SCMH1: variants seen among roughly 807,000 people sequenced by gnomAD.
SCMH1 encodes Scm polycomb group protein homolog 1.
SCMH1 carries 37 observed loss-of-function variants against 70.8 expected under a neutral mutation model. The observed-to-expected ratio is 0.52, with a 90% CI of 0.40 to 0.69. SCMH1 has a LOEUF of 0.69. SCMH1 is among the 30% of genes least tolerant of loss of function. SCMH1 has a pLI of 0.00. For synonymous variants in SCMH1, 292 were observed against 307.4 expected, an observed-to-expected ratio of 0.95 and a Z score of 0.52; for missense variants, 607 against 827.3, an observed-to-expected ratio of 0.73 and a Z score of 3.27.
intron 10 of SCMH1, among the ~76,000 whole-genome samples, chr1:41,065,160 A>G (rs544380549): frequency 6.6e-6 from 1 of 152,316 alleles, no homozygotes; most frequent in South Asian, 2.1e-4. Flanking sequence ...ATCCTAATCA[A>G]AATCCCAGAA....
intron 1 of SCMH1, among the ~76,000 whole-genome samples, chr1:41,226,789 C>T (rs893614874): frequency 6.6e-6 from 1 of 152,110 alleles, no homozygotes; most frequent in Non-Finnish European, 1.5e-5. Flanking sequence ...AGCAAAGTCA[C>T]AAGGTACTAT....
At chr1:41,218,726 C>T (rs1233520298) in intron 1 of SCMH1, among the ~76,000 whole-genome samples, 1 of 152,212 alleles carries the variant, frequency 6.6e-6, no homozygotes, top group Non-Finnish European at 1.5e-5. Context: ...AAGTGCTTTA[C>T]ACTGGTGACC....
intron 8 of SCMH1, among the ~76,000 whole-genome samples, chr1:41,083,946 C>T (rs1455606996): frequency 6.6e-6 from 1 of 152,140 alleles, no homozygotes; most frequent in African/African-American, 2.4e-5. Context: ...AAACTGGATC[C>T]CTTCCTTACA....
chr1:41,195,888 A>G (rs1019041864), intron 1 of SCMH1, among the ~76,000 whole-genome samples: 4 of 152,192 alleles, frequency 2.6e-5, no homozygotes, highest in African/African-American at 7.2e-5. Context: ...AAAGTCACAC[A>G]CAAAGTTTAG....
chr1:41,133,726 G>A (rs994542503), intron 6 of SCMH1, among the ~76,000 whole-genome samples: 1 of 152,130 alleles, frequency 6.6e-6, no homozygotes. Flanking sequence ...ACTCTCCCAA[G>A]ACTAAATCAG....
intron 13 of SCMH1, among the ~76,000 whole-genome samples, chr1:41,036,809 C>T (rs1301116736): frequency 2.0e-5 from 3 of 152,070 alleles, no homozygotes; most frequent in Non-Finnish European, 4.4e-5. Context: ...TTCATGTTGC[C>T]CCTCTTCCTG....
At chr1:41,106,839 G>C (rs1668057271) in intron 8 of SCMH1, among the ~76,000 whole-genome samples, 1 of 151,740 alleles carries the variant, frequency 6.6e-6, no homozygotes, top group Non-Finnish European at 1.5e-5. Context: ...GCAGACGTCA[G>C]CCACCACACC....
intron 8 of SCMH1, among the ~76,000 whole-genome samples, chr1:41,092,165 C>G (rs532387668): frequency 6.6e-6 from 1 of 152,066 alleles, no homozygotes; most frequent in South Asian, 2.1e-4. Flanking sequence ...GTAGTGGTAC[C>G]AAAACAGAGG....
intron 2 of SCMH1, among the ~76,000 whole-genome samples, chr1:41,170,055 C>T (rs1228031429): frequency 6.6e-6 from 1 of 152,198 alleles, no homozygotes; most frequent in Non-Finnish European, 1.5e-5. Context: ...GTCATAAACT[C>T]CTTCTGGGGG....
intron 1 of SCMH1, among the ~76,000 whole-genome samples, chr1:41,192,895 CTT>C (rs913474992): frequency 6.6e-6 from 1 of 152,200 alleles, no homozygotes; most frequent in Non-Finnish European, 1.5e-5. Context: ...GGTTGGCAAA[CTT>C]TTTCTGTAAA....
chr1:41,173,774 A>G (rs557666801), intron 2 of SCMH1, among the ~76,000 whole-genome samples: 1 of 152,346 alleles, frequency 6.6e-6, no homozygotes. Context: ...ATGGGATACT[A>G]TTTAGCTATA....
At chr1:41,191,454 A>G (rs1651700310) in intron 1 of SCMH1, among the ~76,000 whole-genome samples, 1 of 152,228 alleles carries the variant, frequency 6.6e-6, no homozygotes, top group Admixed American at 6.5e-5. Flanking sequence ...AATCTGCTCT[A>G]TAAATTTAGA....
At chr1:41,045,178 G>T (rs1646744926) in intron 12 of SCMH1, among the ~76,000 whole-genome samples, 2 of 152,124 alleles carry the variant, frequency 1.3e-5, no homozygotes, top group South Asian at 4.2e-4. Flanking sequence ...CATTCTAACT[G>T]CAAGTCAGAA....
intron 1 of SCMH1, among the ~76,000 whole-genome samples, chr1:41,216,165 TA>T (rs1327193965): frequency 6.6e-6 from 1 of 152,214 alleles, no homozygotes; most frequent in Non-Finnish European, 1.5e-5. Context: ...TATTTATCGC[TA>T]GAGCTAGTCT....
chr1:41,200,882 T>C (rs1654198058), intron 1 of SCMH1, among the ~76,000 whole-genome samples: 1 of 152,128 alleles, frequency 6.6e-6, no homozygotes, highest in African/African-American at 2.4e-5. Context: ...AGCTGAGGTC[T>C]CACTCATATG....
intron 1 of SCMH1, among the ~76,000 whole-genome samples, chr1:41,202,245 A>C (rs960182032): frequency 6.6e-6 from 1 of 151,966 alleles, no homozygotes; most frequent in Non-Finnish European, 1.5e-5. Context: ...CATGTTGGCC[A>C]GGCTGGTCTC....
Position 41,115,004 on chromosome 1 carries a change from T to A in SCMH1, c.502-1478A>T, listed in dbSNP as rs573788816. Among the ~76,000 whole-genome samples, 3 of 152,302 alleles carry A rather than the reference T, an allele frequency of 2.0e-5. No homozygotes were observed. The East Asian group carries it at 5.8e-4, about 29-fold the overall frequency. On this transcript the variant is annotated intron_variant, in intron 7 of 14. Transcript: ENST00000337495. ...CAAGATTTCTTTAATGCAGATTTCT[T>A]CAACATACATTTAAAAATTTCCTCT...
At position 41,028,443 on chromosome 1, in the gene SCMH1, A is replaced by G. The variant is rs1644038806; in HGVS notation, c.1822-124T>C. 3 of 1,503,546 alleles carry G rather than the reference A, an allele frequency of 2.0e-6. No individual in the cohort carries two copies. The Admixed American group carries it at 5.3e-5, about 26-fold the overall frequency. The allele number at this position is 1,503,546 out of a possible 1,614,324, so 93.1% of individuals were successfully genotyped here. On this transcript the variant is annotated intron_variant, in intron 14 of 14. Coordinates refer to ENST00000337495, the Ensembl canonical transcript of SCMH1. ...GTGCCCGCCACATGGAGTCCAGTTC[A>G]CCTGCTGTGATGCTGAAGCCTACCT...
At chr1:41,236,275 C>A (rs1451353243) in intron 1 of SCMH1, among the ~76,000 whole-genome samples, 1 of 152,184 alleles carries the variant, frequency 6.6e-6, no homozygotes, top group East Asian at 1.9e-4. Flanking sequence ...CAGTTATCTT[C>A]ACCTCTCTTC....
Sources: gnomAD v4.1 joint callset for allele counts (sites outside exome capture counted in the v4.1 genomes callset) on GRCh38, gnomAD v4.1.1 for gene constraint, MANE v1.5 for transcripts, NCBI Gene and HGNC (gene_info 2026-07-23, HGNC 2026-07-21) for gene names.